Variants in PRMT8 observed in about 807,000 individuals in gnomAD.
The protein encoded by PRMT8 is protein arginine methyltransferase 8, also known as protein arginine N-methyltransferase 8.
PRMT8 carries 7 observed loss-of-function variants against 47.1 expected under a neutral mutation model. That is an observed-to-expected ratio of 0.15 (90% CI 0.08 to 0.28). The LOEUF (loss-of-function observed/expected upper bound fraction) is 0.28. Among genes scored for constraint, PRMT8 ranks in the 10% least tolerant of loss-of-function variants. The probability of loss-of-function intolerance (pLI) is 1.00; values close to 1 mark genes in which losing one functional copy is unlikely to be tolerated. For missense variants in PRMT8, 237 were observed against 505.4 expected (o/e 0.47, Z 5.09); for synonymous variants, 188 against 186.5 (o/e 1.01, Z -0.07).
At chr12:3,442,292 T>C (rs1864811269) in intron 1 of PRMT8, among the ~76,000 whole-genome samples, 1 of 152,140 alleles carries the variant, frequency 6.6e-6, no homozygotes, top group Admixed American at 6.5e-5. Context: ...TTATTTTTTC[T>C]TTTGAACCGA....
chr12:3,417,917 C>T (rs1864500374), intron 1 of PRMT8, among the ~76,000 whole-genome samples: 10 of 152,218 alleles, frequency 6.6e-5, no homozygotes. Context: ...CCCGGCTCTG[C>T]TCCTTACCAG....
chr12:3,405,126 A>G (rs1864359663), intron 1 of PRMT8, among the ~76,000 whole-genome samples: 1 of 152,202 alleles, frequency 6.6e-6, no homozygotes. Flanking sequence ...AGGCCTCAGG[A>G]AGCTTACAAT....
chr12:3,440,464 C>CAAACAAAACAAAACAAAACAAAACA, intron 1 of PRMT8, among the ~76,000 whole-genome samples: 1 of 148,402 alleles, frequency 6.7e-6, no homozygotes, highest in East Asian at 2.0e-4. Flanking sequence ...TCCGTCAAAA[C>CAAACAAAACAAAACAAAACAAAACA]AAACAAAACA....
chr12:3,478,767 C>T (rs955718085), intron 1 of PRMT8, among the ~76,000 whole-genome samples: 1 of 152,246 alleles, frequency 6.6e-6, no homozygotes, highest in South Asian at 2.1e-4. Context: ...TATCAATCCT[C>T]AGGGAATCTG....
At chr12:3,516,788 C>T (rs1273890834) in intron 1 of PRMT8, among the ~76,000 whole-genome samples, 1 of 152,020 alleles carries the variant, frequency 6.6e-6, no homozygotes, top group Admixed American at 6.6e-5. Context: ...TTGTTGGCCT[C>T]CCCCTCCCCA....
chr12:3,527,774 TG>T (rs567522793), intron 1 of PRMT8, among the ~76,000 whole-genome samples: 112 of 152,314 alleles, frequency 7.4e-4, no homozygotes, highest in African/African-American at 2.6e-3. Flanking sequence ...ACTTCATTCT[TG>T]GTGCATACCC....
At chr12:3,407,297 T>G (rs71458059) in intron 1 of PRMT8, among the ~76,000 whole-genome samples, 307 of 152,186 alleles carry the variant, frequency 2.0e-3, no homozygotes, top group Non-Finnish European at 3.6e-3. Flanking sequence ...GAGATTTTGG[T>G]GGGGACACAG....
chr12:3,583,469 G>C lies in PRMT8; in HGVS notation c.979+261G>C, dbSNP rs1232327990. On this transcript the variant is annotated intron_variant, in intron 8 of 9. Coordinates refer to ENST00000382622, the MANE Select transcript of PRMT8 (RefSeq NM_019854.5). The surrounding 1 kb of genome is among the most constrained non-coding windows in gnomAD (Gnocchi z 4.7). ...GGAGAGGCAGGAGGTAGGGCTCATG[G>C]AGGGGCCCCAAGCCCTTTCAAAGGC... Among the ~76,000 whole-genome samples, 1 of 152,184 alleles carries C rather than the reference G, an allele frequency of 6.6e-6. No homozygotes were observed. Among genetic ancestry groups the C allele is most frequent in the East Asian group, 1.9e-4 (1 of 5,190 alleles).
rs1161139619 is a variant in PRMT8, at chr12:3,436,958, A to G, written c.48+55516A>G. Among the ~76,000 whole-genome samples the G allele has an allele frequency of 6.6e-6, 1 of 152,216 alleles. No individual in the cohort carries two copies. Among genetic ancestry groups the G allele is most frequent in the Admixed American group, 6.5e-5 (1 of 15,282 alleles). ...TAGGTTCAATTTGATTCAGTTTGGC[A>G]AACATTTACTCACCTTCTACTGTGT... On this transcript the variant is annotated intron_variant, in intron 1 of 9. Transcript: ENST00000452611. This position sits in a 1 kb window ranked among gnomAD's most constrained non-coding sequence, Gnocchi z 4.2.
chr12:3,381,625 T>C (rs901255683), intron 1 of PRMT8, among the ~76,000 whole-genome samples: 21 of 152,226 alleles, frequency 1.4e-4, no homozygotes, highest in African/African-American at 4.8e-4. Context: ...ACAGTCTTGT[T>C]GACTGTACAC....
At chr12:3,544,823 C>A (rs374648395) in intron 2 of PRMT8, among the ~76,000 whole-genome samples, 1 of 152,214 alleles carries the variant, frequency 6.6e-6, no homozygotes, top group South Asian at 2.1e-4. Flanking sequence ...ATGGCCTGAA[C>A]CCCCGTGAAA....
At chr12:3,402,439 C>G (rs1035970189) in intron 1 of PRMT8, among the ~76,000 whole-genome samples, 1 of 152,048 alleles carries the variant, frequency 6.6e-6, no homozygotes, top group African/African-American at 2.4e-5. Flanking sequence ...GATGAAAATG[C>G]CAAAAGCAAT....
intron 1 of PRMT8, among the ~76,000 whole-genome samples, chr12:3,430,811 C>T (rs1003526768): frequency 6.6e-6 from 1 of 152,162 alleles, no homozygotes; most frequent in Non-Finnish European, 1.5e-5. Context: ...CTGCTAAGGC[C>T]CAGGCACTAT....
At position 3,564,086 on chromosome 12, in the gene PRMT8, C is replaced by T. The variant is rs376733909; in HGVS notation, c.482-4620C>T. 9.9e-5 allele frequency among the ~76,000 whole-genome samples: 15 copies of T among 152,210 alleles called. 1 individual carries two copies. The South Asian group carries it at 1.9e-3, about 19-fold the overall frequency. ...AGGAATGCATACGCTGGAGGTGAGCCGGGCCCTCCGCAGGTGCAAGGCAGC... is the reference window on the plus strand; with the variant it reads ...AGGAATGCATACGCTGGAGGTGAGCTGGGCCCTCCGCAGGTGCAAGGCAGC... On this transcript the variant is annotated intron_variant, in intron 4 of 9. Coordinates refer to ENST00000382622, the MANE Select transcript of PRMT8 (RefSeq NM_019854.5). The surrounding 1 kb of genome is among the most constrained non-coding windows in gnomAD (Gnocchi z 4.0).
chr12:3,566,360 C>A lies in PRMT8; in HGVS notation c.482-2346C>A, dbSNP rs531596491. Among the ~76,000 whole-genome samples, 23 of 152,290 alleles carry A rather than the reference C, an allele frequency of 1.5e-4. No homozygotes were observed. In the South Asian group the frequency reaches 4.4e-3, roughly 29 times the overall value. ...AGACCCAGAGAAACTTCAACACCTA[C>A]CCCTCCCACTCCCACCAAAACTTTT... On this transcript the variant is annotated intron_variant, in intron 4 of 9. Coordinates refer to ENST00000382622, the MANE Select transcript of PRMT8 (RefSeq NM_019854.5). The surrounding 1 kb of genome is among the most constrained non-coding windows in gnomAD (Gnocchi z 4.7).
chr12:3,433,442 C>T (rs997850311), intron 1 of PRMT8, among the ~76,000 whole-genome samples: 4 of 152,162 alleles, frequency 2.6e-5, no homozygotes, highest in Non-Finnish European at 4.4e-5. Context: ...ATTTAATCCT[C>T]GTAACCACCC....
chr12:3,405,758 A>G (rs1048234168), intron 1 of PRMT8, among the ~76,000 whole-genome samples: 12 of 152,202 alleles, frequency 7.9e-5, no homozygotes, highest in African/African-American at 2.9e-4. Flanking sequence ...TGGGCTCCAT[A>G]GCCTTGGGCA....
chr12:3,495,690 A>G (rs1316700277), intron 1 of PRMT8, among the ~76,000 whole-genome samples: 1 of 152,194 alleles, frequency 6.6e-6, no homozygotes, highest in Non-Finnish European at 1.5e-5. Context: ...TGGGCCTGAC[A>G]CACAATAAGT....
intron 1 of PRMT8, among the ~76,000 whole-genome samples, chr12:3,512,004 G>T (rs570525415): frequency 3.3e-5 from 5 of 152,290 alleles, no homozygotes; most frequent in Middle Eastern, 6.8e-3. Flanking sequence ...TCACACTGGG[G>T]CCTTGGGAGT....
Sources: allele counts gnomAD v4.1 joint callset (sites outside exome capture counted in the v4.1 genomes callset), GRCh38; gene constraint gnomAD v4.1.1; non-coding constraint Gnocchi (gnomAD v3.1); transcripts MANE v1.5; gene names NCBI Gene and HGNC (gene_info 2026-07-23, HGNC 2026-07-21).